The following PDXK variants were observed in gnomAD, a reference collection of about 807,000 sequenced individuals.
PDXK encodes pyridoxal kinase, also known as epididymis secretory sperm binding protein Li 1a.
In PDXK, 15 loss-of-function variants were observed where a neutral mutation model predicts 43.2. The observed-to-expected ratio is 0.35, with a 90% confidence interval of 0.23 to 0.53. The LOEUF (loss-of-function observed/expected upper bound fraction) is 0.53, where lower values mean the gene tolerates loss of function less well. Ranked by LOEUF, PDXK falls within the 20% of genes least tolerant of loss-of-function variation. The probability of loss-of-function intolerance (pLI) is 0.92; values close to 1 mark genes in which losing one functional copy is unlikely to be tolerated. For missense variants in PDXK, 343 were observed against 417.0 expected (o/e 0.82, Z 1.54); for synonymous variants, 172 against 165.4 (o/e 1.04, Z -0.31).
At position 43,737,902 on chromosome 21, in the gene PDXK, T is replaced by C. The variant is rs978647608; in HGVS notation, c.143-3765T>C. On this transcript the variant is annotated intron_variant, in intron 2 of 10. Coordinates refer to ENST00000291565, the MANE Select transcript of PDXK (RefSeq NM_003681.5). The surrounding 1 kb of genome is among the most constrained non-coding windows in gnomAD (Gnocchi z 4.8). The stretch of plus-strand genomic sequence containing the variant: ...CGCCCTCCCCTGTTGGAGAAGGTTC[T>C]TGTGGGCTCTGGGCCCATCCCACAT... 4.1e-6 allele frequency: 4 copies of C among 985,524 alleles called. No homozygotes were observed. The South Asian group carries it at 1.9e-4, about 46-fold the overall frequency. 61.0% of individuals were successfully genotyped at this position (985,524 alleles called of 1,614,324 possible). A position where few individuals can be genotyped will look rare whatever the true frequency, so the allele number is the denominator to read the frequency against.
At chr21:43,742,359 G>C (rs1305768824) in intron 3 of PDXK, among the ~76,000 whole-genome samples, 1 of 152,052 alleles carries the variant, frequency 6.6e-6, no homozygotes, top group Non-Finnish European at 1.5e-5. Flanking sequence ...TTTTGTGGGT[G>C]TGTGTGGAGA....
intron 3 of PDXK, among the ~76,000 whole-genome samples, chr21:43,742,648 G>T (rs1000829499): frequency 5.9e-5 from 9 of 152,166 alleles, no homozygotes; most frequent in Admixed American, 4.6e-4. Context: ...AAGACTAGGA[G>T]GGAGGCTCGC....
rs983043123 is a variant in PDXK, at chr21:43,741,891, G to A, written c.247+120G>A. On this transcript the variant is annotated intron_variant, in intron 3 of 10. Coordinates refer to ENST00000291565, the MANE Select transcript of PDXK (RefSeq NM_003681.5). The stretch of plus-strand genomic sequence containing the variant: ...TCTCGGGTCCCTGCCCCTTCAAGGA[G>A]GGCCTTGGCGTGCCCAAGCCACCAT... 33 of 694,680 alleles carry A rather than the reference G, an allele frequency of 4.8e-5. 1 individual carries two copies. Among genetic ancestry groups the A allele is most frequent in the South Asian group, 9.3e-5 (6 of 64,576 alleles). The allele number at this position is 694,680 out of a possible 1,614,324, so 43.0% of individuals were successfully genotyped here.
In PDXK at chr21:43,743,743, G is replaced by A. The variant is rs755538248; in HGVS notation, c.267G>A (p.Ser89=). ...YVLTGYTRDK[S]FLAMVVDIVQ... ...CTAAAGGTTATACGAGGGACAAGTCGTTCCTGGCCATGGTGGTGGACATTG... is the reference window on the plus strand; with the variant it reads ...CTAAAGGTTATACGAGGGACAAGTCATTCCTGGCCATGGTGGTGGACATTG... The change falls in exon 4 of 11, where the codon TCG becomes TCA. Residue 89 remains serine, a synonymous_variant. Transcript: ENST00000291565. 12 of 1,613,378 alleles carry A rather than the reference G, an allele frequency of 7.4e-6. No homozygotes were observed. Among genetic ancestry groups the A allele is most frequent in the African/African-American group, 2.7e-5 (2 of 74,870 alleles).
intron 1 of PDXK, among the ~76,000 whole-genome samples, chr21:43,727,840 A>C (rs1198444536): frequency 6.6e-6 from 1 of 152,142 alleles, no homozygotes; most frequent in Non-Finnish European, 1.5e-5. Flanking sequence ...GTGGGGGTGG[A>C]CGGGGCCCGA....
intron 6 of PDXK, 25 bp downstream of exon 6, chr21:43,749,105 T>G: frequency 7.0e-7 from 1 of 1,426,934 alleles, no homozygotes; most frequent in South Asian, 1.2e-5. Context: ...TTTATTTTAC[T>G]TTATTTATTT....
intron 9 of PDXK, among the ~76,000 whole-genome samples, chr21:43,755,175 A>T (rs1349362531): frequency 1.3e-5 from 2 of 150,154 alleles, no homozygotes; most frequent in African/African-American, 4.9e-5. Flanking sequence ...AGCACCTTTG[A>T]CTCTGAGGCA....
intron 1 of PDXK, among the ~76,000 whole-genome samples, chr21:43,728,548 C>T (rs1444316379): frequency 6.6e-6 from 1 of 152,134 alleles, no homozygotes. Context: ...CCTGCCTCCC[C>T]GGAGGAGGAG....
intron 5 of PDXK, 74 bp from the exon 6 acceptor site, chr21:43,748,921 G>A: frequency 1.1e-6 from 1 of 887,114 alleles, no homozygotes; most frequent in Non-Finnish European, 1.8e-6. Flanking sequence ...TCCGTGGTGG[G>A]CTTCCCTCCG....
intron 1 of PDXK, chr21:43,733,781 A>G (rs1160093545): frequency 1.2e-6 from 1 of 822,848 alleles, no homozygotes; most frequent in Non-Finnish European, 1.8e-6. Flanking sequence ...ATGATGCGTG[A>G]AGTGCTTCCC....
At chr21:43,743,958 C>T (rs2083592610) in intron 4 of PDXK, 151 bp downstream of exon 4, 3 of 654,796 alleles carry the variant, frequency 4.6e-6, no homozygotes, top group Non-Finnish European at 8.2e-6. Flanking sequence ...TCTGCTGGGC[C>T]TCTGAAGATG....
rs1364330784 is a variant in PDXK, at chr21:43,735,429, T to C, written c.142+1306T>C. Among the ~76,000 whole-genome samples, 1 of 151,806 alleles carries C rather than the reference T, an allele frequency of 6.6e-6. No homozygotes were observed. The highest frequency in any genetic ancestry group is 1.5e-5 in the Non-Finnish European group (1 of 67,944). ...AGGGCCCCGGGCTTTGGCAATGCCTTCCAGGCTTGGTGGAAGCTTCTCAGT... is the reference window on the plus strand; with the variant it reads ...AGGGCCCCGGGCTTTGGCAATGCCTCCCAGGCTTGGTGGAAGCTTCTCAGT... On this transcript the variant is annotated intron_variant, in intron 2 of 10. Transcript: ENST00000291565. The surrounding 1 kb of genome is among the most constrained non-coding windows in gnomAD (Gnocchi z 5.3).
intron 1 of PDXK, among the ~76,000 whole-genome samples, chr21:43,724,615 G>A (rs981768495): frequency 6.6e-6 from 1 of 151,870 alleles, no homozygotes; most frequent in Non-Finnish European, 1.5e-5. Flanking sequence ...GCCGAGATGG[G>A]GGGATCACTT....
rs576028855 is a variant in PDXK, at chr21:43,756,374, C to T, written c.*311C>T. 15 of 305,782 alleles carry T rather than the reference C, an allele frequency of 4.9e-5. No homozygotes were observed. Among genetic ancestry groups the T allele is most frequent in the African/African-American group, 2.2e-4 (10 of 45,810 alleles). The allele number at this position is 305,782 out of a possible 1,614,324, so 18.9% of individuals were successfully genotyped here. ...CTGTGGGAGGGTGAGTGGGTGAGGC[C>T]GAGCCTGCTGCGTGTGGAGCCTCGA... On this transcript the variant is annotated 3_prime_UTR_variant, in exon 11 of 11. Transcript: ENST00000291565.
At chr21:43,721,001 G>A (rs2083202348) in intron 1 of PDXK, among the ~76,000 whole-genome samples, 1 of 152,232 alleles carries the variant, frequency 6.6e-6, no homozygotes, top group Admixed American at 6.5e-5. Flanking sequence ...CTCAGGTGGA[G>A]CCTCGAAAGG....
chr21:43,719,192 G>C lies in PDXK; in HGVS notation c.-103G>C. ...CGCCAGAGCCAGAGTCGCAGCCGAG[G>C]GGAGCCGGGGCCGGAGCCCGAGCCC... On this transcript the variant is annotated 5_prime_UTR_variant, in exon 1 of 11. Transcript: ENST00000291565. 2.0e-6 allele frequency: 1 copy of C among 505,072 alleles called. No homozygotes were observed. Among genetic ancestry groups the C allele is most frequent in the Non-Finnish European group, 3.0e-6 (1 of 336,680 alleles). 31.3% of individuals were successfully genotyped at this position (505,072 alleles called of 1,614,324 possible).
rs1352472612 is a variant in PDXK, at chr21:43,758,516, C to T, written c.*2453C>T. On this transcript the variant is annotated 3_prime_UTR_variant, in exon 11 of 11. Transcript: ENST00000291565. ...AAACCACGGAGCAGCTGGAGCCTGC[C>T]CTGTCCACGGCCCGTTTCCACCCGG... is the stretch of plus-strand genomic sequence containing the variant. 6.5e-6 allele frequency: 1 copy of T among 153,624 alleles called. No homozygotes were observed. The highest frequency in any genetic ancestry group is 1.5e-5 in the Non-Finnish European group (1 of 68,056). The allele number at this position is 153,624 out of a possible 1,614,324, so 9.5% of individuals were successfully genotyped here.
At chr21:43,721,120 C>T (rs2083203455) in intron 1 of PDXK, among the ~76,000 whole-genome samples, 1 of 152,314 alleles carries the variant, frequency 6.6e-6, no homozygotes, top group African/African-American at 2.4e-5. Flanking sequence ...ATGTCCAAGC[C>T]CGGCTGGACA....
intron 1 of PDXK, chr21:43,728,862 C>G (rs1226005926): frequency 2.0e-6 from 2 of 985,614 alleles, no homozygotes; most frequent in Non-Finnish European, 2.4e-6. Context: ...GCTGCGGCCC[C>G]CGCAGGAAGT....
Sources: allele counts gnomAD v4.1 joint callset (sites outside exome capture counted in the v4.1 genomes callset), GRCh38; gene constraint gnomAD v4.1.1; non-coding constraint Gnocchi (gnomAD v3.1); transcripts MANE v1.5; gene names NCBI Gene and HGNC (gene_info 2026-07-23, HGNC 2026-07-21).